Variants in CEP112 observed in about 807,000 individuals in gnomAD.
The protein encoded by CEP112 is centrosomal protein of 112 kDa.
In CEP112, 127 loss-of-function variants were observed where a neutral mutation model predicts 153.0. The observed-to-expected ratio is 0.83, with a 90% CI of 0.72 to 0.96. CEP112 has a LOEUF of 0.96. Among genes scored for constraint, CEP112 ranks in the 40% least tolerant of loss-of-function variants. The pLI is 0.00. For synonymous variants in CEP112, 358 were observed against 374.4 expected (o/e 0.96, Z 0.51); for missense variants, 1,089 against 1,101.2 (o/e 0.99, Z 0.16).
At chr17:65,761,350 G>A (rs531024290) in intron 21 of CEP112, among the ~76,000 whole-genome samples, 28 of 152,056 alleles carry the variant, frequency 1.8e-4, no homozygotes, top group African/African-American at 6.7e-4. Context: ...CTAGGCACAA[G>A]GAATCCCTCA....
intron 20 of CEP112, among the ~76,000 whole-genome samples, chr17:65,897,423 T>C (rs1410816434): frequency 6.6e-6 from 1 of 152,134 alleles, no homozygotes. Context: ...TTTCTTTTTA[T>C]AGTTTTTCAT....
chr17:65,998,446 C>T (rs1282150639), intron 17 of CEP112, among the ~76,000 whole-genome samples: 4 of 122,848 alleles, frequency 3.3e-5, no homozygotes, highest in Non-Finnish European at 6.9e-5. Flanking sequence ...GGTTACAAAA[C>T]ACAGAACTCT....
intron 11 of CEP112, among the ~76,000 whole-genome samples, chr17:66,055,005 G>A (rs112021056): frequency 1.2e-4 from 19 of 152,156 alleles, no homozygotes; most frequent in South Asian, 4.2e-4. Flanking sequence ...TGATCCACCC[G>A]CCTCAGCCTC....
At chr17:66,155,404 G>GA (rs1345433148) in intron 4 of CEP112, among the ~76,000 whole-genome samples, 1 of 152,066 alleles carries the variant, frequency 6.6e-6, no homozygotes, top group East Asian at 1.9e-4. Context: ...CACAGACCAG[G>GA]AGATTCCCTT....
chr17:65,871,770 A>G (rs904518137), intron 20 of CEP112, among the ~76,000 whole-genome samples: 2 of 152,348 alleles, frequency 1.3e-5, no homozygotes, highest in African/African-American at 4.8e-5. Context: ...ACTTGACCTC[A>G]AAGGACAACT....
At chr17:65,968,519 T>C (rs1323859376) in intron 17 of CEP112, among the ~76,000 whole-genome samples, 1 of 152,164 alleles carries the variant, frequency 6.6e-6, no homozygotes, top group Non-Finnish European at 1.5e-5. Context: ...AATAGATATG[T>C]CCCACTACTT....
At chr17:65,792,976 G>C (rs538106550) in intron 21 of CEP112, among the ~76,000 whole-genome samples, 2 of 151,978 alleles carry the variant, frequency 1.3e-5, no homozygotes, top group Non-Finnish European at 2.9e-5. Context: ...TTAGCTGGAC[G>C]CCTAGTGGGC....
chr17:65,714,474 G>GTA, intron 23 of CEP112, among the ~76,000 whole-genome samples: 1 of 151,600 alleles, frequency 6.6e-6, no homozygotes, highest in Non-Finnish European at 1.5e-5. Flanking sequence ...ATCTTTAATA[G>GTA]TATATATATC....
intron 23 of CEP112, among the ~76,000 whole-genome samples, chr17:65,712,605 G>C (rs769751676): frequency 5.3e-5 from 8 of 152,156 alleles, no homozygotes; most frequent in Non-Finnish European, 8.8e-5. Flanking sequence ...GCAAAGCCCA[G>C]ACAAACATAT....
chr17:66,072,701 G>C (rs1050598222), intron 8 of CEP112, among the ~76,000 whole-genome samples: 3 of 151,952 alleles, frequency 2.0e-5, no homozygotes, highest in African/African-American at 7.3e-5. Flanking sequence ...TTACTCTAAG[G>C]GTAATATTAC....
chr17:66,131,769 TCATGTGTTACA>T (rs2070180128), intron 5 of CEP112, among the ~76,000 whole-genome samples: 1 of 151,142 alleles, frequency 6.6e-6, no homozygotes, highest in African/African-American at 2.4e-5. Flanking sequence ...ACAAAAACAG[TCATGTGTTACA>T]CATGCTTTCT....
At chr17:65,683,819 A>G (rs1159766473) in intron 24 of CEP112, among the ~76,000 whole-genome samples, 1 of 152,166 alleles carries the variant, frequency 6.6e-6, no homozygotes, top group Non-Finnish European at 1.5e-5. Context: ...CGAGGCAGGC[A>G]GATCACCAGG....
chr17:66,012,456 G>A (rs1316596449), intron 16 of CEP112, among the ~76,000 whole-genome samples: 1 of 152,160 alleles, frequency 6.6e-6, no homozygotes, highest in Non-Finnish European at 1.5e-5. Flanking sequence ...TTGCTTGTCT[G>A]AAAAGGATCT....
chr17:66,146,192 T>G (rs879425201), intron 4 of CEP112, among the ~76,000 whole-genome samples: 1 of 152,002 alleles, frequency 6.6e-6, no homozygotes, highest in Non-Finnish European at 1.5e-5. Flanking sequence ...CAGGGAAGAT[T>G]GATAAAATTT....
In CEP112 at chr17:66,094,303, G is replaced by A. The variant is rs183723569; in HGVS notation, c.768+1948C>T. On this transcript the variant is annotated intron_variant, in intron 8 of 26. Transcript: ENST00000535342. ...TCAAACTCCTAATCTCAAGTGATCC[G>A]CCCACCTCAGCCTCCCAAAGTGCTC... 2.5e-3 allele frequency among the ~76,000 whole-genome samples: 384 copies of A among 151,946 alleles called. 1 individual carries two copies. The highest frequency in any genetic ancestry group is 8.8e-3 in the African/African-American group (366 of 41,432).
At chr17:65,808,087 C>A (rs2055718692) in intron 21 of CEP112, among the ~76,000 whole-genome samples, 1 of 152,226 alleles carries the variant, frequency 6.6e-6, no homozygotes, top group South Asian at 2.1e-4. Context: ...GCTGTGAGAG[C>A]CCACCCCTTG....
intron 24 of CEP112, among the ~76,000 whole-genome samples, chr17:65,671,172 A>G (rs1391833772): frequency 1.3e-5 from 2 of 152,154 alleles, no homozygotes; most frequent in African/African-American, 4.8e-5. Context: ...AGCAGGTGGC[A>G]AAAGGGAAAA....
chr17:66,000,667 G>C (rs2064000104), intron 17 of CEP112, among the ~76,000 whole-genome samples: 2 of 152,122 alleles, frequency 1.3e-5, no homozygotes, highest in Non-Finnish European at 2.9e-5. Flanking sequence ...GCTCATTTGT[G>C]CATGATATTT....
chr17:66,063,066 C>G lies in CEP112; in HGVS notation c.971G>C (p.Arg324Pro). The change falls in exon 11 of 27, where the codon CGT (arginine) becomes CCT (proline). Residue 324 changes from arginine (R) to proline (P), a missense_variant. Arg to Pro is a moderately radical substitution (Grantham distance 103). Coordinates refer to ENST00000535342, the MANE Select transcript of CEP112 (RefSeq NM_001199165.4). ...AGTCTCTCTGATAACTTGACAGTCA[C>G]GTATCAGTGTCTGAACTGTCAAAAA... ...KLEKKVQTLI[R>P]DCQVIRETKE... 6.3e-7 allele frequency: 1 copy of G among 1,576,656 alleles called. No homozygotes were observed. The highest frequency in any genetic ancestry group is 8.6e-7 in the Non-Finnish European group (1 of 1,161,792).
Sources: allele counts gnomAD v4.1 joint callset (sites outside exome capture counted in the v4.1 genomes callset), GRCh38; gene constraint gnomAD v4.1.1; transcripts MANE v1.5; gene names NCBI Gene and HGNC (gene_info 2026-07-23, HGNC 2026-07-21).